Variants in MGAT4C observed in about 807,000 individuals in gnomAD.
MGAT4C encodes alpha-1,3-mannosyl-glycoprotein 4-beta-N-acetylglucosaminyltransferase C.
In MGAT4C, 19 loss-of-function variants were observed where a neutral mutation model predicts 40.1. The ratio of observed to expected loss-of-function variants is 0.47; its 90% confidence interval spans 0.33 to 0.70. The LOEUF (loss-of-function observed/expected upper bound fraction) is 0.70, where lower values mean the gene tolerates loss of function less well. Ranked by LOEUF, MGAT4C falls within the 30% of genes least tolerant of loss-of-function variation. MGAT4C has a pLI of 0.02. For synonymous variants in MGAT4C, 181 were observed against 187.1 expected, an observed-to-expected ratio of 0.97 and a Z score of 0.27; for missense variants, 491 against 563.2, an observed-to-expected ratio of 0.87 and a Z score of 1.30.
intron 1 of MGAT4C, among the ~76,000 whole-genome samples, chr12:86,250,262 G>A (rs1339560009): frequency 2.7e-5 from 4 of 150,346 alleles, no homozygotes; most frequent in African/African-American, 7.3e-5. Flanking sequence ...CTCTCTTGAG[G>A]TAGTATTAAG....
At chr12:86,594,662 C>G (rs1437170901) in intron 2 of MGAT4C, among the ~76,000 whole-genome samples, 1 of 152,036 alleles carries the variant, frequency 6.6e-6, no homozygotes, top group African/African-American at 2.4e-5. Context: ...CAATTAAAAG[C>G]AAAATGGAAC....
At chr12:86,134,161 C>A (rs1020952133) in intron 1 of MGAT4C, among the ~76,000 whole-genome samples, 14 of 152,138 alleles carry the variant, frequency 9.2e-5, no homozygotes, top group Admixed American at 1.3e-4. Flanking sequence ...CTTAGTTAGA[C>A]TCAAATAATG....
chr12:86,481,679 C>A (rs1457802682), intron 2 of MGAT4C, among the ~76,000 whole-genome samples: 5 of 151,606 alleles, frequency 3.3e-5, no homozygotes, highest in Non-Finnish European at 5.9e-5. Flanking sequence ...GTTAACTATC[C>A]AAAATGATTT....
At chr12:86,489,506 TTG>T (rs1958089815) in intron 2 of MGAT4C, among the ~76,000 whole-genome samples, 1 of 152,214 alleles carries the variant, frequency 6.6e-6, no homozygotes, top group African/African-American at 2.4e-5. Flanking sequence ...AAAGGGCCTA[TTG>T]AGCTGATAAC....
chr12:86,169,064 T>A (rs902859836), intron 1 of MGAT4C, among the ~76,000 whole-genome samples: 1 of 152,098 alleles, frequency 6.6e-6, no homozygotes, highest in African/African-American at 2.4e-5. Flanking sequence ...TCTTGATAAA[T>A]TCAGGCGCCA....
intron 1 of MGAT4C, among the ~76,000 whole-genome samples, chr12:86,783,146 C>T (rs953328528): frequency 2.6e-5 from 4 of 152,248 alleles, no homozygotes; most frequent in Non-Finnish European, 2.9e-5. Context: ...TCATCATTTT[C>T]ACTTTTTCCA....
rs926504476 is a variant in MGAT4C at position 86,304,789 on chromosome 12, C to T, written c.-57+29276G>A. On this transcript the variant is annotated intron_variant, in intron 4 of 7. Transcript: ENST00000548651. ...GAGATGCAGACACATGAGAGGAGAA[C>T]GCCATATGGCAATAGAGCCAGAGAT... 1.7e-4 allele frequency among the ~76,000 whole-genome samples: 26 copies of T among 150,626 alleles called. 1 individual carries two copies. The highest frequency in any genetic ancestry group is 4.6e-4 in the Admixed American group (7 of 15,218).
intron 2 of MGAT4C, among the ~76,000 whole-genome samples, chr12:86,042,729 G>A (rs928006535): frequency 5.3e-5 from 8 of 151,732 alleles, no homozygotes; most frequent in African/African-American, 1.2e-4. Context: ...TTAGCTGGGC[G>A]TGGTGGCAGG....
chr12:86,602,158 C>T (rs1308481116), intron 2 of MGAT4C, among the ~76,000 whole-genome samples: 1 of 152,124 alleles, frequency 6.6e-6, no homozygotes, highest in Non-Finnish European at 1.5e-5. Flanking sequence ...TGCTGTTCCT[C>T]GCCTGGCTGA....
rs1444964416 is a variant in MGAT4C, at chr12:85,979,616, C to T, written c.1110G>A (p.Gly370=). The T allele has an allele frequency of 1.2e-6, 2 of 1,610,880 alleles. No individual in the cohort carries two copies. Among genetic ancestry groups the T allele is most frequent in the East Asian group, 2.2e-5 (1 of 44,788 alleles). The change falls in exon 5 of 5, where the codon GGG becomes GGA. Residue 370 remains glycine (G), a synonymous_variant. Transcript: ENST00000611864. ...AAACATCTCCTGTTGAAGGTGGTTT[C>T]CCCCAAAAGTACTCATCAACACTAC... is the stretch of plus-strand genomic sequence containing the variant. ...AYSSVDEYFW[G]KPPSTGDVFV...
intron 3 of MGAT4C, among the ~76,000 whole-genome samples, chr12:86,410,116 A>G (rs1956573822): frequency 1.3e-5 from 2 of 152,204 alleles, no homozygotes; most frequent in South Asian, 4.1e-4. Flanking sequence ...GGGCAAAATT[A>G]GAATTACTGA....
At chr12:86,535,063 C>G (rs1349952436) in intron 2 of MGAT4C, among the ~76,000 whole-genome samples, 1 of 151,920 alleles carries the variant, frequency 6.6e-6, no homozygotes, top group Admixed American at 6.6e-5. Flanking sequence ...ACAAAGCAAA[C>G]AACAAATGAA....
chr12:86,531,367 G>T (rs1268345250), intron 2 of MGAT4C, among the ~76,000 whole-genome samples: 1 of 151,944 alleles, frequency 6.6e-6, no homozygotes, highest in East Asian at 1.9e-4. Context: ...TTGCTGATTG[G>T]TTTTAGCCTC....
intron 2 of MGAT4C, among the ~76,000 whole-genome samples, chr12:86,014,176 T>C (rs1226541594): frequency 2.0e-5 from 3 of 152,196 alleles, no homozygotes; most frequent in Admixed American, 2.0e-4. Flanking sequence ...ATGTTTCCTG[T>C]TGAGTTCTCA....
intron 4 of MGAT4C, among the ~76,000 whole-genome samples, chr12:86,286,323 C>T (rs898180971): frequency 6.6e-6 from 1 of 152,034 alleles, no homozygotes; most frequent in African/African-American, 2.4e-5. Context: ...ATTAAAATTC[C>T]ATCTTTAGCA....
chr12:86,340,360 T>G (rs192195938), intron 3 of MGAT4C, among the ~76,000 whole-genome samples: 48 of 152,110 alleles, frequency 3.2e-4, no homozygotes, highest in Non-Finnish European at 2.9e-4. Flanking sequence ...ATCAGATGAA[T>G]GAAAATAAAG....
chr12:86,685,770 G>A (rs1424984685), intron 2 of MGAT4C, among the ~76,000 whole-genome samples: 1 of 151,968 alleles, frequency 6.6e-6, no homozygotes, highest in Non-Finnish European at 1.5e-5. Context: ...TGTATTCTTA[G>A]GTATTTTATT....
chr12:86,122,788 G>A (rs863396), intron 1 of MGAT4C, among the ~76,000 whole-genome samples: 94,326 of 131,634 alleles, frequency 0.72, 29,840 homozygotes, highest in East Asian at 0.94. Flanking sequence ...GTATATGTTC[G>A]TGTGTGTGTG....
intron 2 of MGAT4C, among the ~76,000 whole-genome samples, chr12:86,475,924 GTTTT>G (rs1361155370): frequency 1.3e-5 from 2 of 151,782 alleles, no homozygotes; most frequent in Non-Finnish European, 2.9e-5. Flanking sequence ...TACTTTGTGT[GTTTT>G]TTATTGTGTA....
Sources: gnomAD v4.1 joint callset for allele counts (sites outside exome capture counted in the v4.1 genomes callset) on GRCh38, gnomAD v4.1.1 for gene constraint, MANE v1.5 for transcripts, NCBI Gene and HGNC (gene_info 2026-07-23, HGNC 2026-07-21) for gene names.